The following TMEM184A variants were observed in gnomAD, a reference collection of about 807,000 sequenced individuals.
The protein encoded by TMEM184A is transmembrane protein 184A.
TMEM184A carries 40 observed loss-of-function variants against 39.5 expected under a neutral mutation model. The observed-to-expected ratio is 1.01, with a 90% CI of 0.79 to 1.32. The LOEUF is 1.32. Among genes scored for constraint, TMEM184A ranks in the 40% most tolerant of loss-of-function variants. The pLI is 0.00. For synonymous variants in TMEM184A, 280 were observed against 252.3 expected (o/e 1.11, Z -1.04); for missense variants, 603 against 568.8 (o/e 1.06, Z -0.61).
At position 1,555,612 on chromosome 7, in the gene TMEM184A, G is replaced by T. The variant is rs1040428103; in HGVS notation, c.1-128C>A. 2.7e-6 allele frequency: 2 copies of T among 732,696 alleles called. No homozygotes were observed. Among genetic ancestry groups the T allele is most frequent in the Non-Finnish European group, 2.4e-6 (1 of 420,234 alleles). The allele number at this position is 732,696 out of a possible 1,614,324, so 45.4% of individuals were successfully genotyped here. A position where few individuals can be genotyped will look rare whatever the true frequency, so the allele number is the denominator to read the frequency against. On this transcript the variant is annotated intron_variant, in intron 1 of 8. Transcript: ENST00000297477. This position sits in a 1 kb window ranked among gnomAD's most constrained non-coding sequence, Gnocchi z 5.2. Reference sequence around the variant, plus strand: ...CTGAGGCTGAGCCACCCACCAGGCCGCACCCCCCACACGGACACCAGCGCC... The same window carrying T: ...CTGAGGCTGAGCCACCCACCAGGCCTCACCCCCCACACGGACACCAGCGCC...
intron 8 of TMEM184A, 34 bp from the exon 9 acceptor site, chr7:1,547,215 C>A (rs1380517394): frequency 1.6e-6 from 2 of 1,262,980 alleles, no homozygotes; most frequent in South Asian, 2.6e-5. Context: ...CCCACCATCC[C>A]CCCTGCACTC....
At position 1,550,350 on chromosome 7, in the gene TMEM184A, C is replaced by G; in HGVS notation, c.431G>C (p.Gly144Ala). Residue 144 changes from glycine to alanine, a missense_variant, in exon 4 of 9, where the codon GGA (glycine) becomes GCA (alanine). Transcript: ENST00000297477. ...SFLSLCFQYL[G>A]GEGAIMAEIR... ...CTCAGCCATGATGGCGCCCTCGCCT[C>G]CCAGGTACTGGAAACACAGGCTCAG... The G allele has an allele frequency of 6.2e-7, 1 of 1,613,010 alleles. No individual in the cohort carries two copies. The highest frequency in any genetic ancestry group is 8.5e-7 in the Non-Finnish European group (1 of 1,179,798).
rs1413577696 is a variant in TMEM184A, at chr7:1,550,983, C to T, written c.220-1G>A. The T allele has an allele frequency of 6.2e-7, 1 of 1,608,036 alleles. No homozygotes were observed. Among genetic ancestry groups the T allele is most frequent in the East Asian group, 2.2e-5 (1 of 44,620 alleles). On this transcript the variant is annotated splice_acceptor_variant, in intron 2 of 8. Coordinates refer to ENST00000297477, the MANE Select transcript of TMEM184A (RefSeq NM_001097620.2). LOFTEE classifies it high-confidence loss of function. ...TGTAGGAGCGCAGGTGCAGATAGAT[C>T]TGGGCGCAGGAGGGGTCGCATGAGA...
chr7:1,549,754 C>T, intron 6 of TMEM184A, 100 bp downstream of exon 6: 2 of 1,114,108 alleles, frequency 1.8e-6, no homozygotes, highest in Non-Finnish European at 2.6e-6. Flanking sequence ...CTTACTTGAG[C>T]CCAGCTGGAC....
Position 1,550,883 on chromosome 7 carries a change from T to C in TMEM184A, c.319A>G (p.Ser107Gly), listed in dbSNP as rs1165659317. The change falls in exon 3 of 9, where the codon AGC becomes GGC. Residue 107 changes from serine to glycine, a missense_variant. Ser to Gly is a moderately conservative substitution (Grantham distance 56). Transcript: ENST00000297477. ...TGGTGGTCTCCGAGGAGGAGGAGGC[T>C]GAGCCAGGAGTCGAAGGCGTAGATG... ...VPIYAFDSWL[S>G]LLLLGDHQYY... 11 of 1,613,756 alleles carry C rather than the reference T, an allele frequency of 6.8e-6. No individual in the cohort carries two copies. Among genetic ancestry groups the C allele is most frequent in the Admixed American group, 1.7e-5 (1 of 60,022 alleles).
chr7:1,552,078 G>A (rs937388713), intron 2 of TMEM184A, among the ~76,000 whole-genome samples: 10 of 151,992 alleles, frequency 6.6e-5, no homozygotes, highest in Admixed American at 1.3e-4. Context: ...TCCCGGGCTC[G>A]AGTGATCTGC....
chr7:1,552,839 G>A (rs1438417386), intron 2 of TMEM184A, among the ~76,000 whole-genome samples: 1 of 152,204 alleles, frequency 6.6e-6, no homozygotes, highest in Non-Finnish European at 1.5e-5. Flanking sequence ...CGGATTACCT[G>A]AGCTCAGGAG....
At position 1,555,714 on chromosome 7, in the gene TMEM184A, C is replaced by G. The variant is rs1314906182; in HGVS notation, c.1-230G>C. ...ACCACCTGCGACCTGAGGGTCCCAC[C>G]TCAATTCCCCCTTGTAAAACCAGCT... On this transcript the variant is annotated intron_variant, in intron 1 of 8. Transcript: ENST00000297477. This position sits in a 1 kb window ranked among gnomAD's most constrained non-coding sequence, Gnocchi z 5.2. Among the ~76,000 whole-genome samples, 2 of 152,352 alleles carry G rather than the reference C, an allele frequency of 1.3e-5. No individual in the cohort carries two copies. The highest frequency in any genetic ancestry group is 2.9e-5 in the Non-Finnish European group (2 of 68,028).
chr7:1,552,180 G>A (rs1018075979), intron 2 of TMEM184A, among the ~76,000 whole-genome samples: 1 of 152,092 alleles, frequency 6.6e-6, no homozygotes, highest in African/African-American at 2.4e-5. Flanking sequence ...GTCTCACTGT[G>A]TTGCCCAGGC....
At chr7:1,551,375 G>T in intron 2 of TMEM184A, among the ~76,000 whole-genome samples, 1 of 148,678 alleles carries the variant, frequency 6.7e-6, no homozygotes, top group Admixed American at 6.8e-5. Context: ...TCGGGTGAGA[G>T]CCGGGTCCGC....
intron 2 of TMEM184A, among the ~76,000 whole-genome samples, chr7:1,552,661 A>G (rs1315997872): frequency 6.6e-6 from 1 of 152,004 alleles, no homozygotes; most frequent in East Asian, 1.9e-4. Flanking sequence ...CGGAGAGGGG[A>G]CACGTCCCGG....
chr7:1,546,707 A>C lies in TMEM184A; in HGVS notation c.*245T>G. On this transcript the variant is annotated 3_prime_UTR_variant, in exon 9 of 9. Transcript: ENST00000297477. Reference sequence around the variant, plus strand: ...GGCTGGGTGATCCCAGGGGGTCCCCAGGCTCTTCCGATTGGCTCAGGTGCC... The same window carrying C: ...GGCTGGGTGATCCCAGGGGGTCCCCCGGCTCTTCCGATTGGCTCAGGTGCC... 2.2e-6 allele frequency: 1 copy of C among 461,568 alleles called. No individual in the cohort carries two copies. The highest frequency in any genetic ancestry group is 3.8e-6 in the Non-Finnish European group (1 of 262,232). 28.6% of individuals were successfully genotyped at this position (461,568 alleles called of 1,614,324 possible). A position where few individuals can be genotyped will look rare whatever the true frequency, so the allele number is the denominator to read the frequency against.
At chr7:1,548,162 C>T (rs888632301) in intron 7 of TMEM184A, among the ~76,000 whole-genome samples, 1 of 152,232 alleles carries the variant, frequency 6.6e-6, no homozygotes, top group African/African-American at 2.4e-5. Context: ...CCTGCCACTC[C>T]AGCCCCAGAT....
rs1248889328 is a variant in TMEM184A, at chr7:1,546,949, C to A, written c.*3G>T. On this transcript the variant is annotated 3_prime_UTR_variant, in exon 9 of 9. Transcript: ENST00000297477. ...CCCTACAGCACTGGCAGCCCAGGCC[C>A]CCCTACAGGTCCTCCGAGGGGATCA... The A allele has an allele frequency of 6.4e-7, 1 of 1,553,560 alleles. No homozygotes were observed. The highest frequency in any genetic ancestry group is 1.9e-5 in the Admixed American group (1 of 52,580).
chr7:1,546,881 T>G lies in TMEM184A; in HGVS notation c.*71A>C. 1.8e-6 allele frequency: 2 copies of G among 1,097,944 alleles called. No individual in the cohort carries two copies. The highest frequency in any genetic ancestry group is 2.5e-6 in the Non-Finnish European group (2 of 793,678). The allele number at this position is 1,097,944 out of a possible 1,614,324, so 68.0% of individuals were successfully genotyped here. A position where few individuals can be genotyped will look rare whatever the true frequency, so the allele number is the denominator to read the frequency against. ...CCCACCTTTGGCAGGAGTTGGTGGGTGGGGGGACCCTGTTCTTCCCCAGAG... is the reference window on the plus strand; with the variant it reads ...CCCACCTTTGGCAGGAGTTGGTGGGGGGGGGGACCCTGTTCTTCCCCAGAG... On this transcript the variant is annotated 3_prime_UTR_variant, in exon 9 of 9. Transcript: ENST00000297477.
rs1289699652 is a variant in TMEM184A at position 1,548,494 on chromosome 7, C to G, written c.814+25G>C. ...GACTGCAGCCCCCACCTCGGTAGCA[C>G]CCCTGCCCCACCTGCCCCACACACC... On this transcript the variant is annotated intron_variant, in intron 7 of 8. Transcript: ENST00000297477. The G allele has an allele frequency of 5.0e-6, 8 of 1,599,452 alleles. No homozygotes were observed. In the African/African-American group the frequency reaches 8.0e-5, roughly 16 times the overall value.
rs2304361 is a variant in TMEM184A, at chr7:1,550,807, T to C, written c.385+10A>G. ...TCCGCTCCCCCGACCTGACGCAGCC[T>C]GGCGCCCACCTTCGTAGCAGTCCCG... is the stretch of plus-strand genomic sequence containing the variant. On this transcript the variant is annotated intron_variant, in intron 3 of 8. Coordinates refer to ENST00000297477, the MANE Select transcript of TMEM184A (RefSeq NM_001097620.2). 0.58 allele frequency: 940,809 copies of C among 1,611,322 alleles called. 276,035 individuals are homozygous for C. Among genetic ancestry groups the C allele is most frequent in the East Asian group, 0.69 (30,940 of 44,834 alleles).
At chr7:1,553,227 A>G (rs577030020) in intron 2 of TMEM184A, among the ~76,000 whole-genome samples, 2 of 151,926 alleles carry the variant, frequency 1.3e-5, no homozygotes, top group African/African-American at 4.8e-5. Context: ...ATCTCAACTC[A>G]CTGCAACCTC....
chr7:1,555,793 C>T lies in TMEM184A; in HGVS notation c.1-309G>A, dbSNP rs1433996903. Among the ~76,000 whole-genome samples the T allele has an allele frequency of 2.0e-5, 3 of 152,202 alleles. No homozygotes were observed. The highest frequency in any genetic ancestry group is 4.4e-5 in the Non-Finnish European group (3 of 68,026). On this transcript the variant is annotated intron_variant, in intron 1 of 8. Transcript: ENST00000297477. The surrounding 1 kb of genome is among the most constrained non-coding windows in gnomAD (Gnocchi z 5.2). Reference sequence around the variant, plus strand: ...AGCCTGCTTCTTAGGGGACAAAGACCGTCTTCCAGTGGGGCAGAAGAGGGG... The same window carrying T: ...AGCCTGCTTCTTAGGGGACAAAGACTGTCTTCCAGTGGGGCAGAAGAGGGG...
Sources: allele counts gnomAD v4.1 joint callset (sites outside exome capture counted in the v4.1 genomes callset), GRCh38; gene constraint gnomAD v4.1.1; non-coding constraint Gnocchi (gnomAD v3.1); transcripts MANE v1.5; gene names NCBI Gene and HGNC (gene_info 2026-07-23, HGNC 2026-07-21).